The following PHF21B variants were observed in gnomAD, a reference collection of about 807,000 sequenced individuals.
The protein encoded by PHF21B is PHD finger protein 21B, also known as PHD finger protein 4.
In PHF21B, 22 loss-of-function variants were observed where a neutral mutation model predicts 62.2. That is an observed-to-expected ratio of 0.35 (90% CI 0.25 to 0.51). PHF21B has a LOEUF of 0.51. Among genes scored for constraint, PHF21B ranks in the 20% least tolerant of loss-of-function variants. PHF21B has a pLI of 0.97. For missense variants in PHF21B, 701 were observed against 707.9 expected (o/e 0.99, Z 0.11); for synonymous variants, 341 against 314.7 (o/e 1.08, Z -0.88).
intron 2 of PHF21B, among the ~76,000 whole-genome samples, chr22:44,988,440 T>A (rs941921183): frequency 1.3e-5 from 2 of 151,508 alleles, no homozygotes; most frequent in Non-Finnish European, 2.9e-5. Context: ...CCAGCCTGGG[T>A]GACACAGCAA....
chr22:44,885,306 T>G, intron 12 of PHF21B, 120 bp downstream of exon 12: 2 of 920,456 alleles, frequency 2.2e-6, no homozygotes, highest in South Asian at 1.8e-5. Context: ...GGCTCCTTCC[T>G]GCACTGCTGA....
At chr22:44,983,662 A>G (rs911796817) in intron 2 of PHF21B, among the ~76,000 whole-genome samples, 9 of 152,204 alleles carry the variant, frequency 5.9e-5, no homozygotes, top group Admixed American at 2.0e-4. Flanking sequence ...TACCCTAAGA[A>G]AAACCAATGC....
intron 5 of PHF21B, among the ~76,000 whole-genome samples, chr22:44,911,210 CAG>C (rs1312785190): frequency 6.6e-6 from 1 of 152,116 alleles, no homozygotes; most frequent in African/African-American, 2.4e-5. Flanking sequence ...AAAGGGGAAA[CAG>C]AGCATAAAAG....
At chr22:44,948,245 A>C (rs916880730) in intron 2 of PHF21B, among the ~76,000 whole-genome samples, 2 of 152,230 alleles carry the variant, frequency 1.3e-5, no homozygotes, top group Admixed American at 6.5e-5. Context: ...ACCATAACAT[A>C]GCATAAGTGG....
At chr22:44,906,892 A>T (rs552738886) in intron 5 of PHF21B, among the ~76,000 whole-genome samples, 8 of 151,916 alleles carry the variant, frequency 5.3e-5, no homozygotes, top group Non-Finnish European at 1.2e-4. Flanking sequence ...CTGCTACCTC[A>T]CATCCCTGAG....
At chr22:44,945,732 T>A (rs2072056205) in intron 2 of PHF21B, among the ~76,000 whole-genome samples, 1 of 141,936 alleles carries the variant, frequency 7.0e-6, no homozygotes, top group Non-Finnish European at 1.5e-5. Flanking sequence ...GGGGGTGGTA[T>A]AAAGCAGTCC....
chr22:44,939,043 T>G (rs1321500130), intron 2 of PHF21B, among the ~76,000 whole-genome samples: 3 of 152,182 alleles, frequency 2.0e-5, no homozygotes, highest in Non-Finnish European at 4.4e-5. Context: ...GTGCGTGAGC[T>G]CAGAGCCGGC....
chr22:44,986,419 C>G (rs1429457189), intron 2 of PHF21B, among the ~76,000 whole-genome samples: 1 of 151,650 alleles, frequency 6.6e-6, no homozygotes, highest in African/African-American at 2.4e-5. Context: ...TCATTACCAC[C>G]TGCATCCGCA....
chr22:44,960,175 G>A (rs1195352429), intron 2 of PHF21B, among the ~76,000 whole-genome samples: 7 of 152,288 alleles, frequency 4.6e-5, no homozygotes, highest in Admixed American at 4.6e-4. Context: ...ACCCCTGGAC[G>A]CTGAGGCCTC....
chr22:44,952,184 A>G (rs1050473559), intron 2 of PHF21B, among the ~76,000 whole-genome samples: 2 of 152,184 alleles, frequency 1.3e-5, no homozygotes, highest in Non-Finnish European at 2.9e-5. Context: ...CTCTATTAAA[A>G]AAACAAAAAC....
chr22:44,946,267 T>C (rs1365134746), intron 2 of PHF21B, among the ~76,000 whole-genome samples: 1 of 151,994 alleles, frequency 6.6e-6, no homozygotes, highest in African/African-American at 2.4e-5. Context: ...AGGCTCCCTA[T>C]CTCTGAGAAG....
intron 5 of PHF21B, among the ~76,000 whole-genome samples, chr22:44,910,847 T>C (rs942340382): frequency 2.0e-5 from 3 of 152,184 alleles, no homozygotes; most frequent in African/African-American, 4.8e-5. Context: ...AACTGGGTAA[T>C]AGGCAGAGGT....
At chr22:44,957,337 C>A (rs955816530) in intron 2 of PHF21B, among the ~76,000 whole-genome samples, 3 of 152,196 alleles carry the variant, frequency 2.0e-5, no homozygotes, top group African/African-American at 4.8e-5. Flanking sequence ...GCATGAAAAA[C>A]CCTCTGAAGG....
At chr22:44,955,637 T>G (rs1001042634) in intron 2 of PHF21B, among the ~76,000 whole-genome samples, 1 of 152,222 alleles carries the variant, frequency 6.6e-6, no homozygotes, top group Non-Finnish European at 1.5e-5. Context: ...TCAGAGCTCC[T>G]GGTCCCCAGG....
chr22:44,951,438 C>T (rs2072192599), intron 2 of PHF21B, among the ~76,000 whole-genome samples: 3 of 152,216 alleles, frequency 2.0e-5, no homozygotes, highest in African/African-American at 4.8e-5. Flanking sequence ...CTCACCCACT[C>T]CTCACCTCCT....
At chr22:44,993,531 C>A (rs548194362) in intron 2 of PHF21B, among the ~76,000 whole-genome samples, 1 of 152,244 alleles carries the variant, frequency 6.6e-6, no homozygotes, top group Admixed American at 6.5e-5. Flanking sequence ...CCAAGAACAG[C>A]GAGTCCAGAA....
At chr22:44,906,215 C>T (rs1026348718) in intron 5 of PHF21B, among the ~76,000 whole-genome samples, 2 of 152,170 alleles carry the variant, frequency 1.3e-5, no homozygotes, top group Admixed American at 6.5e-5. Context: ...GGGTTTGAAA[C>T]GGAGAGGTCC....
intron 6 of PHF21B, among the ~76,000 whole-genome samples, chr22:44,894,525 A>C (rs2071023184): frequency 6.6e-6 from 1 of 152,164 alleles, no homozygotes; most frequent in Non-Finnish European, 1.5e-5. Context: ...TCAGAGATTA[A>C]ATCAATCCCA....
At position 45,009,513 on chromosome 22, in the gene PHF21B, C is replaced by G. The variant is rs1359223956; in HGVS notation, c.37G>C (p.Glu13Gln). 6 of 1,564,452 alleles carry G rather than the reference C, an allele frequency of 3.8e-6. No homozygotes were observed. The highest frequency in any genetic ancestry group is 5.2e-6 in the Non-Finnish European group (6 of 1,164,464). Residue 13 changes from glutamate (E) to glutamine (Q), a missense_variant, in exon 1 of 13, where the codon GAA becomes CAA. Glu to Gln is a conservative substitution (Grantham distance 29). Transcript: ENST00000313237. This position sits in a 1 kb window ranked among gnomAD's most constrained non-coding sequence, Gnocchi z 5.9. ...CCACCTACCTGGTGGCGCGCGAGTTCCACGGCGAGCGCCTCGGGCCGGCTC... is the reference window on the plus strand; with the variant it reads ...CCACCTACCTGGTGGCGCGCGAGTTGCACGGCGAGCGCCTCGGGCCGGCTC... ...LQSRPEALAV[E>Q]LARHQNGDLK...
Sources: gnomAD v4.1 joint callset for allele counts (sites outside exome capture counted in the v4.1 genomes callset) on GRCh38, gnomAD v4.1.1 for gene constraint, Gnocchi (gnomAD v3.1) non-coding constraint, MANE v1.5 for transcripts, NCBI Gene and HGNC (gene_info 2026-07-23, HGNC 2026-07-21) for gene names.